Variants in GPR179 observed in about 807,000 individuals in gnomAD.
GPR179 encodes the protein probable G protein-coupled receptor 179.
GPR179 carries 52 observed loss-of-function variants against 70.8 expected under a neutral mutation model. The ratio of observed to expected loss-of-function variants is 0.73; its 90% CI spans 0.59 to 0.93. The LOEUF is 0.93. GPR179 is among the 40% of genes least tolerant of loss of function. The pLI is 0.00. For synonymous variants in GPR179, 1,123 were observed against 1,169.0 expected (o/e 0.96, Z 0.80); for missense variants, 2,734 against 2,966.8 (o/e 0.92, Z 1.82).
Position 38,326,517 on chromosome 17 carries a change from G to A in GPR179, c.7052C>T (p.Ala2351Val), listed in dbSNP as rs2144253352. Residue 2351 changes from alanine (A) to valine (V), a missense_variant, in exon 11 of 11, where the codon GCT (alanine) becomes GTT (valine). By Grantham distance (64) the Ala-to-Val change is moderately conservative. Transcript: ENST00000616987. ...TEDSGQVAFE[A>V]QYEEFTPPTV... ...GGGAGGGGTGAATTCTTCATACTGAGCTTCAAAAGCCACTTGGCCTGAGTC... is the reference window on the plus strand; with the variant it reads ...GGGAGGGGTGAATTCTTCATACTGAACTTCAAAAGCCACTTGGCCTGAGTC... 1 of 1,613,872 alleles carries A rather than the reference G, an allele frequency of 6.2e-7. No homozygotes were observed. Among genetic ancestry groups the A allele is most frequent in the East Asian group, 2.2e-5 (1 of 44,876 alleles).
rs2037375329 is a variant in GPR179 at position 38,333,319 on chromosome 17, C to G, written c.1969G>C (p.Gly657Arg). 1 of 1,613,984 alleles carries G rather than the reference C, an allele frequency of 6.2e-7. No homozygotes were observed. Among genetic ancestry groups the G allele is most frequent in the Non-Finnish European group, 8.5e-7 (1 of 1,179,994 alleles). Residue 657 changes from glycine to arginine, a missense_variant, in exon 10 of 11, where the codon GGC (glycine) becomes CGC (arginine). By Grantham distance (125) the Gly-to-Arg change is moderately radical (BLOSUM62 -2). Transcript: ENST00000616987. ...GCGATGCTGCTGCCAAGGTAGGAGC[C>G]TGAGTGCTGCAGGTCCAGCTCGTCC... ...CEDELDLQHS[G>R]SYLGSSIASA... is the part of the protein sequence containing the mutation.
At position 38,343,578 on chromosome 17, in the gene GPR179, A is replaced by T. The variant is rs1221676432; in HGVS notation, c.212T>A (p.Leu71Gln). Residue 71 changes from leucine (L) to glutamine (Q), a missense_variant, in exon 1 of 11, where the codon CTA becomes CAA. Physicochemically the swap from Leu to Gln is moderately radical, Grantham distance 113 (BLOSUM62 -2). Transcript: ENST00000616987. The surrounding 1 kb of genome is among the most constrained non-coding windows in gnomAD (Gnocchi z 4.2). ...AYLYSGDAQQ[L>Q]SQVNCSERYE... ...GCGCTCACTGCAATTCACCTGTGAT[A>T]GCTGCTGGGCATCTCCAGAGTAGAG... is the stretch of plus-strand genomic sequence containing the variant. 1 of 1,613,824 alleles carries T rather than the reference A, an allele frequency of 6.2e-7. No homozygotes were observed. The highest frequency in any genetic ancestry group is 1.7e-5 in the Admixed American group (1 of 60,030).
At position 38,330,397 on chromosome 17, in the gene GPR179, C is replaced by T. The variant is rs769699026; in HGVS notation, c.3172G>A (p.Ala1058Thr). The T allele has an allele frequency of 3.7e-6, 6 of 1,610,766 alleles. No homozygotes were observed. Among genetic ancestry groups the T allele is most frequent in the Non-Finnish European group, 5.1e-6 (6 of 1,178,322 alleles). The change falls in exon 11 of 11, where the codon GCT becomes ACT. Residue 1058 changes from alanine (A) to threonine (T), a missense_variant. Ala to Thr is a moderately conservative substitution (Grantham distance 58, BLOSUM62 0). Transcript: ENST00000616987. Reference sequence around the variant, plus strand: ...GGCCTGTCTTCGTCCACATCATTAGCTTCCCTCTGGTGATGTGCATCCTCT... The same window carrying T: ...GGCCTGTCTTCGTCCACATCATTAGTTTCCCTCTGGTGATGTGCATCCTCT... ...DAEDAHHQRE[A>T]NDVDEDRPKI...
Position 38,329,788 on chromosome 17 carries a change from T to C in GPR179, c.3781A>G (p.Lys1261Glu). The C allele has an allele frequency of 6.2e-7, 1 of 1,614,068 alleles. No individual in the cohort carries two copies. The highest frequency in any genetic ancestry group is 8.5e-7 in the Non-Finnish European group (1 of 1,180,004). Residue 1261 changes from lysine to glutamate, a missense_variant, in exon 11 of 11, where the codon AAG becomes GAG. Coordinates refer to ENST00000616987, the MANE Select transcript of GPR179 (RefSeq NM_001004334.4). ...SETRQPDSGN[K>E]AEICPWETSE... ...GTCTCCCAGGGGCAGATTTCGGCCTTGTTGCCACTGTCTGGCTGACGCGTT... is the reference window on the plus strand; with the variant it reads ...GTCTCCCAGGGGCAGATTTCGGCCTCGTTGCCACTGTCTGGCTGACGCGTT...
At chr17:38,332,058 C>G (rs775069464) in intron 10 of GPR179, among the ~76,000 whole-genome samples, 8 of 152,090 alleles carry the variant, frequency 5.3e-5, no homozygotes, top group Non-Finnish European at 8.8e-5. Context: ...GGCTTGTGTT[C>G]CAGAAAGTGG....
At chr17:38,340,376 A>T (rs1397961554) in intron 1 of GPR179, among the ~76,000 whole-genome samples, 1 of 152,228 alleles carries the variant, frequency 6.6e-6, no homozygotes, top group Non-Finnish European at 1.5e-5. Flanking sequence ...TCCTGGGCCC[A>T]AGCAATCCTC....
rs747292761 is a variant in GPR179 at position 38,328,629 on chromosome 17, G to A, written c.4940C>T (p.Ala1647Val). The A allele has an allele frequency of 4.3e-6, 7 of 1,614,000 alleles. No homozygotes were observed. The highest frequency in any genetic ancestry group is 2.2e-5 in the East Asian group (1 of 44,888). The change falls in exon 11 of 11, where the codon GCG becomes GTG. Residue 1647 changes from alanine (A) to valine (V), a missense_variant. Coordinates refer to ENST00000616987, the MANE Select transcript of GPR179 (RefSeq NM_001004334.4). ...KPEGQIQKQE[A>V]VGPWESVDPG... ...GTCCACACTCTCCCAGGGGCCGACC[G>A]CTTCTTGCTTTTGGATCTGCCCCTC...
chr17:38,328,800 G>C lies in GPR179; in HGVS notation c.4769C>G (p.Thr1590Arg), dbSNP rs758914674. The C allele has an allele frequency of 1.2e-6, 2 of 1,614,012 alleles. No individual in the cohort carries two copies. Among genetic ancestry groups the C allele is most frequent in the Non-Finnish European group, 1.7e-6 (2 of 1,179,966 alleles). ...PEAQEATPAKTEICPWEVNER... is the reference protein window; with the variant it reads ...PEAQEATPAKREICPWEVNER... Reference sequence around the variant, plus strand: ...ATTTACCTCCCAGGGACAGATTTCTGTTTTGGCAGGTGTTGCTTCCTGTGC... The same window carrying C: ...ATTTACCTCCCAGGGACAGATTTCTCTTTTGGCAGGTGTTGCTTCCTGTGC... The change falls in exon 11 of 11, where the codon ACA becomes AGA. Residue 1590 changes from threonine (T) to arginine (R), a missense_variant. Coordinates refer to ENST00000616987, the MANE Select transcript of GPR179 (RefSeq NM_001004334.4).
In GPR179 at chr17:38,328,059, C is replaced by T. The variant is rs774088557; in HGVS notation, c.5510G>A (p.Ser1837Asn). Residue 1837 changes from serine to asparagine, a missense_variant, in exon 11 of 11, where the codon AGT becomes AAT. Ser to Asn is a conservative substitution (Grantham distance 46). Transcript: ENST00000616987. ...TTTCTCCCTCTGCTCTGCTGATTCACTCCCTGCCTTTTGGTCCAATCCCTT... is the reference window on the plus strand; with the variant it reads ...TTTCTCCCTCTGCTCTGCTGATTCATTCCCTGCCTTTTGGTCCAATCCCTT... Reference protein sequence around the residue: ...TGKGLDQKAGSESAEQREKAL... With the variant: ...TGKGLDQKAGNESAEQREKAL... The T allele has an allele frequency of 2.1e-5, 34 of 1,614,058 alleles. No homozygotes were observed. The highest frequency in any genetic ancestry group is 2.8e-5 in the Non-Finnish European group (33 of 1,180,044).
chr17:38,332,665 G>A (rs1463549757), intron 10 of GPR179, among the ~76,000 whole-genome samples: 3 of 152,180 alleles, frequency 2.0e-5, no homozygotes, highest in Non-Finnish European at 4.4e-5. Flanking sequence ...GGAGTGCAGT[G>A]GTGCGATCTC....
chr17:38,328,873 C>T lies in GPR179; in HGVS notation c.4696G>A (p.Gly1566Arg). 6.2e-7 allele frequency: 1 copy of T among 1,613,844 alleles called. No homozygotes were observed. Among genetic ancestry groups the T allele is most frequent in the Non-Finnish European group, 8.5e-7 (1 of 1,179,978 alleles). Residue 1566 changes from glycine to arginine, a missense_variant, in exon 11 of 11, where the codon GGA becomes AGA. By Grantham distance (125) the Gly-to-Arg change is moderately radical. Transcript: ENST00000616987. ...GGACACACCTGCGTTGCTCTGCTTC[C>T]TCCATTGCATAGGAATTGGCTACCA... ...KAGSQFLCNGGSRATQVCPQE... is the reference protein window; with the variant it reads ...KAGSQFLCNGRSRATQVCPQE...
chr17:38,328,613 C>G lies in GPR179; in HGVS notation c.4956G>C (p.Glu1652Asp), dbSNP rs779495675. 1 of 1,614,220 alleles carries G rather than the reference C, an allele frequency of 6.2e-7. No individual in the cohort carries two copies. Among genetic ancestry groups the G allele is most frequent in the Non-Finnish European group, 8.5e-7 (1 of 1,180,038 alleles). Residue 1652 changes from glutamate to aspartate, a missense_variant, in exon 11 of 11, where the codon GAG becomes GAC. By Grantham distance (45) the Glu-to-Asp change is conservative (BLOSUM62 2). Transcript: ENST00000616987. ...IQKQEAVGPW[E>D]SVDPGSFSPQ... The stretch of plus-strand genomic sequence containing the variant: ...GGGAGAAGCTGCCAGGGTCCACACT[C>G]TCCCAGGGGCCGACCGCTTCTTGCT...
rs777539313 is a variant in GPR179, at chr17:38,334,057, G to A, written c.1785-19C>T. ...CACAAACCTGGGGCGGGATAGGGGCGCAGGTCATTACTGCAGGCAGGAGTT... is the reference window on the plus strand; with the variant it reads ...CACAAACCTGGGGCGGGATAGGGGCACAGGTCATTACTGCAGGCAGGAGTT... On this transcript the variant is annotated intron_variant, in intron 8 of 10. Transcript: ENST00000616987. This position sits in a 1 kb window ranked among gnomAD's most constrained non-coding sequence, Gnocchi z 4.7. The A allele has an allele frequency of 4.3e-5, 66 of 1,545,554 alleles. No homozygotes were observed. In the East Asian group the frequency reaches 1.3e-3, roughly 30 times the overall value.
chr17:38,331,676 C>T (rs1390934234), intron 10 of GPR179, 145 bp from the exon 11 acceptor site: 53 of 1,413,452 alleles, frequency 3.7e-5, no homozygotes, highest in African/African-American at 2.2e-4. Context: ...CTAAAACTCT[C>T]GTAATTCACC....
At chr17:38,333,621 G>A (rs1431962154) in intron 9 of GPR179, among the ~76,000 whole-genome samples, 2 of 152,148 alleles carry the variant, frequency 1.3e-5, no homozygotes, top group Non-Finnish European at 2.9e-5. Context: ...ATTCCTAGCC[G>A]GGTCCTTCAG....
At position 38,343,939 on chromosome 17, in the gene GPR179, G is replaced by A. The variant is rs562601855; in HGVS notation, c.-150C>T. ...CTCCCTCTCACGCTGGTGCCAGCTC[G>A]CCTGCTTTTTTCTTCTCTCTAACGT... On this transcript the variant is annotated 5_prime_UTR_variant, in exon 1 of 11. Coordinates refer to ENST00000616987, the MANE Select transcript of GPR179 (RefSeq NM_001004334.4). The surrounding 1 kb of genome is among the most constrained non-coding windows in gnomAD (Gnocchi z 4.2). 2.5e-5 allele frequency: 16 copies of A among 648,586 alleles called. No individual in the cohort carries two copies. The South Asian group carries it at 3.2e-4, about 13-fold the overall frequency. 40.2% of individuals were successfully genotyped at this position (648,586 alleles called of 1,614,324 possible).
rs1312812368 is a variant in GPR179 at position 38,327,043 on chromosome 17, G to A, written c.6526C>T (p.Pro2176Ser). Residue 2176 changes from proline to serine, a missense_variant, in exon 11 of 11, where the codon CCC becomes TCC. By Grantham distance (74) the Pro-to-Ser change is moderately conservative. Coordinates refer to ENST00000616987, the MANE Select transcript of GPR179 (RefSeq NM_001004334.4). ...EEHFSKAAAK[P>S]REQEAVCPGE... Reference sequence around the variant, plus strand: ...GGGCAGACTGCCTCCTGCTCTCTGGGCTTTGCTGCTGCTTTTGAGAAGTGT... The same window carrying A: ...GGGCAGACTGCCTCCTGCTCTCTGGACTTTGCTGCTGCTTTTGAGAAGTGT... 3 of 1,614,150 alleles carry A rather than the reference G, an allele frequency of 1.9e-6. No homozygotes were observed. The highest frequency in any genetic ancestry group is 1.7e-6 in the Non-Finnish European group (2 of 1,180,038).
At chr17:38,335,421 A>ACC in intron 6 of GPR179, 150 bp from the exon 7 acceptor site, 1 of 797,648 alleles carries the variant, frequency 1.3e-6, no homozygotes. Context: ...GCCTTTTGCT[A>ACC]CCCCCCCACA....
Position 38,328,254 on chromosome 17 carries a change from C to G in GPR179, c.5315G>C (p.Cys1772Ser), listed in dbSNP as rs1050549058. ...CPWGSVGPGA[C>S]SQHPGTLDAD... ...ATCTAGAGTACCTGGATGCTGAGAACAGGCCCCTGGACCCACACTCCCCCA... is the reference window on the plus strand; with the variant it reads ...ATCTAGAGTACCTGGATGCTGAGAAGAGGCCCCTGGACCCACACTCCCCCA... The change falls in exon 11 of 11, where the codon TGT (cysteine) becomes TCT (serine). Residue 1772 changes from cysteine to serine, a missense_variant. Physicochemically the swap from Cys to Ser is moderately radical, Grantham distance 112 (BLOSUM62 -1). Transcript: ENST00000616987. 21 of 1,613,856 alleles carry G rather than the reference C, an allele frequency of 1.3e-5. No homozygotes were observed. Among genetic ancestry groups the G allele is most frequent in the Non-Finnish European group, 1.7e-5 (20 of 1,180,032 alleles).
Sources: allele counts gnomAD v4.1 joint callset (sites outside exome capture counted in the v4.1 genomes callset), GRCh38; gene constraint gnomAD v4.1.1; non-coding constraint Gnocchi (gnomAD v3.1); transcripts MANE v1.5; gene names NCBI Gene and HGNC (gene_info 2026-07-23, HGNC 2026-07-21).